The following ZNF521 variants were observed in gnomAD, a reference collection of about 807,000 sequenced individuals.
ZNF521 encodes zinc finger protein 521, also known as LYST-interacting protein 3.
In ZNF521, 14 loss-of-function variants were observed where a neutral mutation model predicts 105.5. The ratio of observed to expected loss-of-function variants is 0.13; its 90% CI spans 0.09 to 0.21. ZNF521 has a LOEUF of 0.21. Among genes scored for constraint, ZNF521 ranks in the 10% least tolerant of loss-of-function variants. The probability of loss-of-function intolerance (pLI) is 1.00; values close to 1 mark genes in which losing one functional copy is unlikely to be tolerated. For synonymous variants in ZNF521, 635 were observed against 606.0 expected (o/e 1.05, Z -0.70); for missense variants, 1,233 against 1,629.7 (o/e 0.76, Z 4.19).
chr18:25,221,414 T>C (rs1478486498), intron 4 of ZNF521, among the ~76,000 whole-genome samples: 1 of 152,236 alleles, frequency 6.6e-6, no homozygotes, highest in Non-Finnish European at 1.5e-5. Flanking sequence ...TAATATTCTT[T>C]TTAGTCTTTG....
At chr18:25,297,006 T>C (rs1251041841) in intron 3 of ZNF521, among the ~76,000 whole-genome samples, 3 of 152,078 alleles carry the variant, frequency 2.0e-5, no homozygotes, top group Admixed American at 1.3e-4. Context: ...AGTGTGTATG[T>C]GTGGTCACCC....
intron 5 of ZNF521, among the ~76,000 whole-genome samples, chr18:25,192,888 G>A (rs757942598): frequency 3.3e-5 from 5 of 152,108 alleles, no homozygotes; most frequent in Non-Finnish European, 7.4e-5. Context: ...CAAATAGGGT[G>A]TAAGGACTTG....
At chr18:25,299,148 T>A (rs1327954787) in intron 3 of ZNF521, among the ~76,000 whole-genome samples, 2 of 152,206 alleles carry the variant, frequency 1.3e-5, no homozygotes, top group South Asian at 2.1e-4. Flanking sequence ...AACTGACTCA[T>A]CCCTATCAGG....
intron 2 of ZNF521, among the ~76,000 whole-genome samples, chr18:25,344,259 C>T (rs1395946661): frequency 2.7e-5 from 4 of 148,162 alleles, no homozygotes; most frequent in Non-Finnish European, 5.9e-5. Context: ...TATCTTGTGT[C>T]GGGCTTTTTA....
Position 25,304,887 on chromosome 18 carries a change from G to A in ZNF521, c.220+17121C>T, listed in dbSNP as rs8089661. On this transcript the variant is annotated intron_variant, in intron 3 of 7. Transcript: ENST00000361524. ...TGTCAAATACTGTACATGTGTTTAC[G>A]CTTGCCTTAAGTGCACAGTAAGATT... Among the ~76,000 whole-genome samples, 1,038 of 152,230 alleles carry A rather than the reference G, an allele frequency of 6.8e-3. 14 individuals are homozygous for A. Among genetic ancestry groups the A allele is most frequent in the African/African-American group, 0.023 (970 of 41,516 alleles).
chr18:25,268,956 A>C (rs1600235215), intron 3 of ZNF521, among the ~76,000 whole-genome samples: 1 of 152,286 alleles, frequency 6.6e-6, no homozygotes, highest in Admixed American at 6.5e-5. Flanking sequence ...AAACAGGACA[A>C]ATGCCCCAAT....
In ZNF521 at chr18:25,334,553, A is replaced by T. The variant is rs149441410; in HGVS notation, c.41-12366T>A. 7.9e-3 allele frequency among the ~76,000 whole-genome samples: 1,205 copies of T among 152,340 alleles called. 16 individuals are homozygous for T. The highest frequency in any genetic ancestry group is 0.027 in the African/African-American group (1,133 of 41,580). The stretch of plus-strand genomic sequence containing the variant: ...AAGACACAGTGTCTTTTGAAACGTT[A>T]AACAGGTGCCCACACATAAGGTATT... On this transcript the variant is annotated intron_variant, in intron 2 of 7. Coordinates refer to ENST00000361524, the MANE Select transcript of ZNF521 (RefSeq NM_015461.3).
At chr18:25,195,039 C>A in intron 5 of ZNF521, 121 bp downstream of exon 5, 1 of 798,192 alleles carries the variant, frequency 1.3e-6, no homozygotes. Context: ...AAAAAAAAAT[C>A]AATCATGCCG....
intron 5 of ZNF521, among the ~76,000 whole-genome samples, chr18:25,152,480 AAAAAAAAAAAG>A (rs1405678519): frequency 1.2e-4 from 17 of 144,058 alleles, no homozygotes; most frequent in Admixed American, 2.0e-4. Context: ...CTCGGTCTCA[AAAAAAAAAAAG>A]AAAAAAAAAA....
At chr18:25,330,479 A>G (rs1407516098) in intron 2 of ZNF521, among the ~76,000 whole-genome samples, 6 of 152,090 alleles carry the variant, frequency 3.9e-5, no homozygotes. Context: ...CTAACTTTTT[A>G]ACCTAGTACC....
intron 7 of ZNF521, among the ~76,000 whole-genome samples, chr18:25,074,802 G>T (rs934717420): frequency 3.3e-5 from 5 of 151,942 alleles, no homozygotes; most frequent in African/African-American, 1.2e-4. Context: ...TTTACTTCTA[G>T]GTCTCTGTGG....
At chr18:25,258,448 C>T (rs1908670634) in intron 3 of ZNF521, among the ~76,000 whole-genome samples, 2 of 152,036 alleles carry the variant, frequency 1.3e-5, no homozygotes, top group Non-Finnish European at 2.9e-5. Flanking sequence ...TAAAGAGGTC[C>T]GAGGTGTATG....
intron 2 of ZNF521, among the ~76,000 whole-genome samples, chr18:25,342,515 G>GA (rs1240481251): frequency 1.4e-5 from 2 of 144,592 alleles, no homozygotes; most frequent in East Asian, 2.1e-4. Flanking sequence ...TGAAAGCTCC[G>GA]CCTCCCAGGT....
At position 25,304,443 on chromosome 18, in the gene ZNF521, C is replaced by T. The variant is rs1165237257; in HGVS notation, c.220+17565G>A. Among the ~76,000 whole-genome samples the T allele has an allele frequency of 5.3e-5, 8 of 152,186 alleles. No individual in the cohort carries two copies. The South Asian group carries it at 1.7e-3, about 32-fold the overall frequency. On this transcript the variant is annotated intron_variant, in intron 3 of 7. Coordinates refer to ENST00000361524, the MANE Select transcript of ZNF521 (RefSeq NM_015461.3). Reference sequence around the variant, plus strand: ...TTATTATTTCCAGGTTAGTAACTGACTTTACATTCGGTTTTTTGTGTGTGT... The same window carrying T: ...TTATTATTTCCAGGTTAGTAACTGATTTTACATTCGGTTTTTTGTGTGTGT...
Position 25,137,000 on chromosome 18 carries a change from G to C in ZNF521, c.3659-44919C>G, listed in dbSNP as rs922506425. 3.9e-5 allele frequency among the ~76,000 whole-genome samples: 6 copies of C among 152,078 alleles called. No homozygotes were observed. The East Asian group carries it at 1.2e-3, about 29-fold the overall frequency. On this transcript the variant is annotated intron_variant, in intron 5 of 7. Coordinates refer to ENST00000361524, the MANE Select transcript of ZNF521 (RefSeq NM_015461.3). ...TGCTGTGCCCTCTGACCTCCCAAAAGGATCCTCCTCTGTCTCCTTGTAACC... is the reference window on the plus strand; with the variant it reads ...TGCTGTGCCCTCTGACCTCCCAAAACGATCCTCCTCTGTCTCCTTGTAACC...
At chr18:25,338,183 T>C (rs538230102) in intron 2 of ZNF521, among the ~76,000 whole-genome samples, 4 of 152,066 alleles carry the variant, frequency 2.6e-5, no homozygotes, top group African/African-American at 9.6e-5. Context: ...AGAGTACCGA[T>C]GCATCTCACT....
chr18:25,161,818 G>A lies in ZNF521; in HGVS notation c.3658+33342C>T, dbSNP rs148856361. 4.8e-3 allele frequency among the ~76,000 whole-genome samples: 736 copies of A among 152,168 alleles called. 7 individuals carry two copies. The highest frequency in any genetic ancestry group is 0.017 in the African/African-American group (708 of 41,522). On this transcript the variant is annotated intron_variant, in intron 5 of 7. Transcript: ENST00000361524. ...TTGTTCAATATTTTCAGACTAACAG[G>A]GCACTGCAATCTTTTTGCTACTAAT...
At position 25,062,610 on chromosome 18, in the gene ZNF521, T is replaced by C; in HGVS notation, c.*102A>G. ...CAAGTTTTATGGTACAATACAATGT[T>C]TCTGAATAATATACATTAACAATGA... On this transcript the variant is annotated 3_prime_UTR_variant, in exon 8 of 8. Transcript: ENST00000361524. The C allele has an allele frequency of 3.5e-6, 5 of 1,418,512 alleles. No homozygotes were observed. Among genetic ancestry groups the C allele is most frequent in the Non-Finnish European group, 4.8e-6 (5 of 1,031,648 alleles). 87.9% of individuals were successfully genotyped at this position (1,418,512 alleles called of 1,614,324 possible).
At chr18:25,105,765 A>T (rs765191971) in intron 5 of ZNF521, among the ~76,000 whole-genome samples, 1 of 152,166 alleles carries the variant, frequency 6.6e-6, no homozygotes, top group Non-Finnish European at 1.5e-5. Flanking sequence ...GAAAACAACT[A>T]AATTTCAGTA....
Sources: allele counts gnomAD v4.1 joint callset (sites outside exome capture counted in the v4.1 genomes callset), GRCh38; gene constraint gnomAD v4.1.1; transcripts MANE v1.5; gene names NCBI Gene and HGNC (gene_info 2026-07-23, HGNC 2026-07-21).